GALNT14: variants seen among roughly 807,000 people sequenced by gnomAD.
GALNT14 encodes polypeptide N-acetylgalactosaminyltransferase 14, also known as UDP-GalNAc:polypeptide N-acetylgalactosaminyltransferase 14.
In GALNT14, 60 loss-of-function variants were observed where a neutral mutation model predicts 77.5. That is an observed-to-expected ratio of 0.77 (90% CI 0.63 to 0.96). The LOEUF is 0.96. Ranked by LOEUF, GALNT14 falls within the 40% of genes least tolerant of loss-of-function variation. The probability of loss-of-function intolerance (pLI) is 0.00; values close to 1 mark genes in which losing one functional copy is unlikely to be tolerated. For synonymous variants in GALNT14, 280 were observed against 281.7 expected, an observed-to-expected ratio of 0.99 and a Z score of 0.06; for missense variants, 710 against 731.0, an observed-to-expected ratio of 0.97 and a Z score of 0.33.
At chr2:30,976,274 G>A (rs911678675) in intron 2 of GALNT14, among the ~76,000 whole-genome samples, 3 of 152,118 alleles carry the variant, frequency 2.0e-5, no homozygotes, top group African/African-American at 4.8e-5. Context: ...GTACTGACTC[G>A]TGCAATCTGG....
chr2:30,953,130 G>T (rs928232027), intron 6 of GALNT14, among the ~76,000 whole-genome samples: 7 of 152,030 alleles, frequency 4.6e-5, no homozygotes, highest in Non-Finnish European at 7.4e-5. Flanking sequence ...TTAACTCCAG[G>T]CATGAATGGC....
At chr2:31,137,293 T>G (rs1244526461) in intron 1 of GALNT14, among the ~76,000 whole-genome samples, 1 of 152,218 alleles carries the variant, frequency 6.6e-6, no homozygotes, top group Non-Finnish European at 1.5e-5. Context: ...TCACAGGAAC[T>G]GACTGAGCAG....
intron 1 of GALNT14, among the ~76,000 whole-genome samples, chr2:31,133,692 T>G (rs1679091401): frequency 6.6e-6 from 1 of 152,242 alleles, no homozygotes; most frequent in Non-Finnish European, 1.5e-5. Flanking sequence ...TATTGTATGA[T>G]TCTCCAAATG....
At chr2:31,067,426 G>T (rs1044358811) in intron 1 of GALNT14, among the ~76,000 whole-genome samples, 1 of 152,134 alleles carries the variant, frequency 6.6e-6, no homozygotes, top group African/African-American at 2.4e-5. Context: ...AGAGACTCAG[G>T]CTGTCTTCAC....
intron 10 of GALNT14, among the ~76,000 whole-genome samples, chr2:30,931,530 G>A (rs928732161): frequency 6.6e-6 from 1 of 152,148 alleles, no homozygotes; most frequent in African/African-American, 2.4e-5. Context: ...CAGACAGGAG[G>A]AGAGCACACC....
chr2:31,081,928 T>C (rs960544996), intron 1 of GALNT14, among the ~76,000 whole-genome samples: 1 of 152,220 alleles, frequency 6.6e-6, no homozygotes, highest in African/African-American at 2.4e-5. Flanking sequence ...CATTTATACA[T>C]GCCTTTGGAG....
chr2:31,098,831 G>A (rs1322475961), intron 1 of GALNT14, among the ~76,000 whole-genome samples: 1 of 152,078 alleles, frequency 6.6e-6, no homozygotes, highest in African/African-American at 2.4e-5. Flanking sequence ...TAGTAAGCTA[G>A]AGAAGAGAAA....
chr2:31,098,024 C>A (rs1047228717), intron 1 of GALNT14, among the ~76,000 whole-genome samples: 4 of 152,166 alleles, frequency 2.6e-5, no homozygotes, highest in Non-Finnish European at 5.9e-5. Flanking sequence ...CAGAACTTCT[C>A]AAATTTACAT....
chr2:30,955,537 A>C (rs1480996749), intron 6 of GALNT14, 81 bp downstream of exon 6: 10 of 1,535,328 alleles, frequency 6.5e-6, no homozygotes, highest in Non-Finnish European at 8.8e-7. Context: ...TGGGGGTTGC[A>C]CATGTGAAGT....
chr2:31,007,720 C>G (rs867497), intron 1 of GALNT14, among the ~76,000 whole-genome samples: 4 of 152,108 alleles, frequency 2.6e-5, no homozygotes, highest in Non-Finnish European at 4.4e-5. Context: ...CTTTGGTTTA[C>G]GTTTTACTTT....
Position 31,097,321 on chromosome 2 carries a change from T to G in GALNT14, c.129+40637A>C, listed in dbSNP as rs574780551. 2.0e-5 allele frequency among the ~76,000 whole-genome samples: 3 copies of G among 152,244 alleles called. No homozygotes were observed. In the South Asian group the frequency reaches 6.2e-4, roughly 32 times the overall value. On this transcript the variant is annotated intron_variant, in intron 1 of 14. Transcript: ENST00000349752. ...GGTTCCTAGCATCCATTGCTACATT[T>G]CATTGCCTTTTGGGGAATAATCCCT... is the stretch of plus-strand genomic sequence containing the variant.
chr2:31,023,685 C>T (rs1671870675), intron 1 of GALNT14, among the ~76,000 whole-genome samples: 1 of 152,180 alleles, frequency 6.6e-6, no homozygotes, highest in East Asian at 1.9e-4. Context: ...TCTCACCCTG[C>T]TTGATCTAGC....
At chr2:31,006,543 C>T (rs1176664397) in intron 1 of GALNT14, among the ~76,000 whole-genome samples, 1 of 152,104 alleles carries the variant, frequency 6.6e-6, no homozygotes, top group Non-Finnish European at 1.5e-5. Context: ...GGGATGAAAC[C>T]CAGGCACGCA....
chr2:31,083,230 G>C (rs1408878983), intron 1 of GALNT14, among the ~76,000 whole-genome samples: 1 of 152,124 alleles, frequency 6.6e-6, no homozygotes, highest in Middle Eastern at 3.2e-3. Flanking sequence ...ACATGGCATG[G>C]GTTGGGTCAG....
chr2:30,992,224 C>A (rs560161223), intron 2 of GALNT14, among the ~76,000 whole-genome samples: 1 of 152,296 alleles, frequency 6.6e-6, no homozygotes, highest in South Asian at 2.1e-4. Context: ...TGCTAGGAAA[C>A]AAAACTTTCT....
chr2:30,955,186 G>C (rs1403329926), intron 6 of GALNT14, among the ~76,000 whole-genome samples: 1 of 152,092 alleles, frequency 6.6e-6, no homozygotes, highest in Non-Finnish European at 1.5e-5. Context: ...CTTTGGGTGA[G>C]GGTAGAAGTA....
chr2:30,999,118 A>G (rs570934966), intron 1 of GALNT14, among the ~76,000 whole-genome samples: 1 of 152,356 alleles, frequency 6.6e-6, no homozygotes, highest in East Asian at 1.9e-4. Context: ...GTCAGAGTAG[A>G]AAACAGCGAT....
chr2:30,988,670 G>A (rs1669472076), intron 2 of GALNT14, among the ~76,000 whole-genome samples: 1 of 152,120 alleles, frequency 6.6e-6, no homozygotes, highest in Admixed American at 6.6e-5. Context: ...CTTCACCTGG[G>A]CCACAAAAAT....
chr2:31,135,468 T>A (rs1679184619), intron 1 of GALNT14, among the ~76,000 whole-genome samples: 1 of 151,138 alleles, frequency 6.6e-6, no homozygotes, highest in South Asian at 2.1e-4. Context: ...CACACTAAGA[T>A]ACAGAGCGAC....
Sources: allele counts gnomAD v4.1 joint callset (sites outside exome capture counted in the v4.1 genomes callset), GRCh38; gene constraint gnomAD v4.1.1; transcripts MANE v1.5; gene names NCBI Gene and HGNC (gene_info 2026-07-23, HGNC 2026-07-21).